The following DLGAP2 variants were observed in gnomAD, a reference collection of about 807,000 sequenced individuals.
DLGAP2 encodes disks large-associated protein 2.
DLGAP2 carries 26 observed loss-of-function variants against 100.3 expected under a neutral mutation model. That is an observed-to-expected ratio of 0.26 (90% CI 0.19 to 0.36). The LOEUF is 0.36. Ranked by LOEUF, DLGAP2 falls within the 10% of genes least tolerant of loss-of-function variation. The pLI, the probability that DLGAP2 is intolerant of heterozygous loss-of-function variation, is 1.00. For missense variants in DLGAP2, 1,858 were observed against 1,453.2 expected (o/e 1.28, Z -4.53); for synonymous variants, 886 against 630.1 (o/e 1.41, Z -6.08).
chr8:844,321 G>C (rs945108504), intron 1 of DLGAP2, among the ~76,000 whole-genome samples: 1 of 152,220 alleles, frequency 6.6e-6, no homozygotes, highest in African/African-American at 2.4e-5. Flanking sequence ...AGTTATGCCA[G>C]TTGTTAAGTT....
intron 1 of DLGAP2, among the ~76,000 whole-genome samples, chr8:746,784 C>T (rs1015142009): frequency 1.5e-4 from 23 of 152,320 alleles, no homozygotes; most frequent in East Asian, 1.9e-4. Flanking sequence ...GCACCACAGC[C>T]GGGCATCCTC....
chr8:1,559,684 G>A (rs753664030), intron 5 of DLGAP2, among the ~76,000 whole-genome samples: 10 of 152,292 alleles, frequency 6.6e-5, no homozygotes, highest in Non-Finnish European at 1.3e-4. Context: ...CCATAAACCT[G>A]CCAAAGTGAA....
chr8:1,636,483 A>T (rs755072423), intron 8 of DLGAP2, among the ~76,000 whole-genome samples: 3 of 152,236 alleles, frequency 2.0e-5, no homozygotes, highest in African/African-American at 7.2e-5. Context: ...TACCTTGAAT[A>T]TAAGAGGTAG....
intron 3 of DLGAP2, among the ~76,000 whole-genome samples, chr8:1,372,757 A>T (rs185997589): frequency 5.9e-5 from 9 of 152,336 alleles, no homozygotes; most frequent in African/African-American, 2.2e-4. Context: ...TTTCATCATT[A>T]AACTCTTATT....
At chr8:895,351 G>A (rs893987801) in intron 1 of DLGAP2, among the ~76,000 whole-genome samples, 37 of 152,254 alleles carry the variant, frequency 2.4e-4, no homozygotes, top group African/African-American at 8.4e-4. Flanking sequence ...TGTAATAGCT[G>A]TTGCAGTTGC....
intron 13 of DLGAP2, among the ~76,000 whole-genome samples, chr8:1,696,722 A>G (rs1159922745): frequency 6.6e-6 from 1 of 152,216 alleles, no homozygotes; most frequent in East Asian, 1.9e-4. Context: ...AAGAGCCGTC[A>G]GAGAACAAGC....
At chr8:1,299,345 G>C (rs1255584755) in intron 3 of DLGAP2, among the ~76,000 whole-genome samples, 1 of 152,204 alleles carries the variant, frequency 6.6e-6, no homozygotes, top group Non-Finnish European at 1.5e-5. Context: ...CACCATACAA[G>C]GGAATAAACA....
At chr8:1,675,756 CTGAG>C (rs1236446717) in intron 10 of DLGAP2, among the ~76,000 whole-genome samples, 2 of 152,020 alleles carry the variant, frequency 1.3e-5, no homozygotes, top group African/African-American at 4.8e-5. Flanking sequence ...AGAGGAATGA[CTGAG>C]TGCCTGGAAT....
chr8:1,606,423 C>A (rs1317174595), intron 6 of DLGAP2, among the ~76,000 whole-genome samples: 3 of 152,134 alleles, frequency 2.0e-5, no homozygotes, highest in African/African-American at 4.8e-5. Context: ...CCTAACTCCT[C>A]CAACCCCTGG....
intron 1 of DLGAP2, among the ~76,000 whole-genome samples, chr8:802,279 ACGATC>A (rs1796183988): frequency 3.3e-5 from 5 of 151,744 alleles, no homozygotes; most frequent in African/African-American, 4.9e-5. Context: ...GGCCTGGGGA[ACGATC>A]TGCACCCCTC....
In DLGAP2 at chr8:965,212, T is replaced by C. The variant is rs1286332894; in HGVS notation, c.73+57246T>C. Among the ~76,000 whole-genome samples, 55 of 93,310 alleles carry C rather than the reference T, an allele frequency of 5.9e-4. 2 individuals are homozygous for C. Among genetic ancestry groups the C allele is most frequent in the African/African-American group, 1.8e-3 (42 of 22,944 alleles). 61.2% of individuals were successfully genotyped at this position (93,310 alleles called of 152,430 possible). A position where few individuals can be genotyped will look rare whatever the true frequency, so the allele number is the denominator to read the frequency against. ...CTGTTCACCACACAGGGCTCCTGAGTCTGACCCCGCACTGCACACGGCACT... is the reference window on the plus strand; with the variant it reads ...CTGTTCACCACACAGGGCTCCTGAGCCTGACCCCGCACTGCACACGGCACT... On this transcript the variant is annotated intron_variant, in intron 2 of 14. Coordinates refer to ENST00000637795, the MANE Select transcript of DLGAP2 (RefSeq NM_001346810.2).
chr8:959,891 A>G (rs1046952803), intron 2 of DLGAP2, among the ~76,000 whole-genome samples: 2 of 152,230 alleles, frequency 1.3e-5, no homozygotes, highest in Non-Finnish European at 2.9e-5. Flanking sequence ...TTGATGAGGC[A>G]AATTGAGTGA....
intron 3 of DLGAP2, among the ~76,000 whole-genome samples, chr8:1,440,439 G>A (rs1414616336): frequency 6.6e-6 from 1 of 152,218 alleles, no homozygotes; most frequent in African/African-American, 2.4e-5. Context: ...TCCGCTGCGA[G>A]TGCACGGCCC....
chr8:1,187,758 C>T (rs1230249327), intron 2 of DLGAP2, among the ~76,000 whole-genome samples: 3 of 140,738 alleles, frequency 2.1e-5, no homozygotes, highest in African/African-American at 5.8e-5. Context: ...GTTTCCCTCA[C>T]GGAATCTCAC....
intron 2 of DLGAP2, among the ~76,000 whole-genome samples, chr8:1,008,872 C>G (rs960288060): frequency 6.6e-6 from 1 of 152,256 alleles, no homozygotes; most frequent in Admixed American, 6.5e-5. Context: ...CAGCTCCGAA[C>G]ATGGGTGAGA....
intron 3 of DLGAP2, among the ~76,000 whole-genome samples, chr8:1,282,360 G>A (rs1286908367): frequency 6.9e-6 from 1 of 144,352 alleles, no homozygotes; most frequent in South Asian, 2.3e-4. Context: ...TCTGGACGTG[G>A]TGTGACCTGA....
chr8:927,079 G>C, intron 2 of DLGAP2: 1 of 985,450 alleles, frequency 1.0e-6, no homozygotes, highest in Non-Finnish European at 1.2e-6. Flanking sequence ...ATCCTCGTGG[G>C]AGGGCCCCAG....
Position 1,548,970 on chromosome 8 carries a change from C to T in DLGAP2, c.517C>T (p.Arg173Cys), listed in dbSNP as rs771551732. The change falls in exon 5 of 15, where the codon CGC (arginine) becomes TGC (cysteine). Residue 173 changes from arginine to cysteine, a missense_variant. Transcript: ENST00000637795. ...RMHYSSHYDTRDDCAVAHAGA... is the reference protein window; with the variant it reads ...RMHYSSHYDTCDDCAVAHAGA... ...GCACTACAGCTCGCACTACGACACG[C>T]GCGACGACTGCGCTGTGGCCCACGC... is the stretch of plus-strand genomic sequence containing the variant. 26 of 1,598,922 alleles carry T rather than the reference C, an allele frequency of 1.6e-5. No homozygotes were observed. The highest frequency in any genetic ancestry group is 2.0e-5 in the Non-Finnish European group (24 of 1,179,458).
intron 2 of DLGAP2, among the ~76,000 whole-genome samples, chr8:1,063,979 G>A (rs939459452): frequency 2.6e-5 from 4 of 152,160 alleles, no homozygotes; most frequent in Non-Finnish European, 4.4e-5. Context: ...TGCCATGCAT[G>A]CCATTCATAC....
Sources: allele counts gnomAD v4.1 joint callset (sites outside exome capture counted in the v4.1 genomes callset), GRCh38; gene constraint gnomAD v4.1.1; transcripts MANE v1.5; gene names NCBI Gene and HGNC (gene_info 2026-07-23, HGNC 2026-07-21).